The following RELL1 variants were observed in gnomAD, a reference collection of about 807,000 sequenced individuals.
RELL1 encodes RELT-like protein 1.
Under a neutral mutation model 23.0 loss-of-function variants are expected in RELL1, and 10 were observed. The observed-to-expected ratio is 0.43, with a 90% confidence interval of 0.27 to 0.74. RELL1 has a LOEUF of 0.74. Ranked by LOEUF, RELL1 falls within the 30% of genes least tolerant of loss-of-function variation. The pLI is 0.19. For missense variants in RELL1, 315 were observed against 364.4 expected (o/e 0.86, Z 1.10); for synonymous variants, 146 against 146.8 (o/e 0.99, Z 0.04).
In RELL1 at chr4:37,666,752, C is replaced by T. The variant is rs185088170; in HGVS notation, c.89-17252G>A. Reference sequence around the variant, plus strand: ...GCTCAGGTGGTACCACAAGGCCAGGCAGGCACCCACATCCCCACATGCAAG... The same window carrying T: ...GCTCAGGTGGTACCACAAGGCCAGGTAGGCACCCACATCCCCACATGCAAG... On this transcript the variant is annotated intron_variant, in intron 1 of 6. Coordinates refer to ENST00000454158, the MANE Select transcript of RELL1 (RefSeq NM_001085400.2). Among the ~76,000 whole-genome samples the T allele has an allele frequency of 1.2e-4, 18 of 152,314 alleles. No individual in the cohort carries two copies. In the East Asian group the frequency reaches 3.1e-3, roughly 26 times the overall value.
chr4:37,679,811 T>C (rs1722142385), intron 1 of RELL1, among the ~76,000 whole-genome samples: 1 of 151,914 alleles, frequency 6.6e-6, no homozygotes, highest in Non-Finnish European at 1.5e-5. Flanking sequence ...AAAAATTAGC[T>C]GGGCGTGGTG....
rs1261859038 is a variant in RELL1 at position 37,613,322 on chromosome 4, G to A, written c.*24C>T. 1.3e-5 allele frequency: 2 copies of A among 152,158 alleles called. No individual in the cohort carries two copies. The highest frequency in any genetic ancestry group is 4.8e-5 in the African/African-American group (2 of 41,426). 9.4% of individuals were successfully genotyped at this position (152,158 alleles called of 1,614,324 possible). On this transcript the variant is annotated 3_prime_UTR_variant, in exon 7 of 7. Transcript: ENST00000454158. ...TCATATAAGTTTTCAGTCTCTTAGA[G>A]CTCTTCAAGTCAAGTCATTGCTGCA...
exon 7 of RELL1, chr4:37,590,911 G>A: frequency 6.2e-7 from 1 of 1,614,264 alleles, no homozygotes. Flanking sequence ...TGGGGATGGG[G>A]AGATTGTGGA....
chr4:37,594,138 C>T (rs573524820), intron 6 of RELL1, among the ~76,000 whole-genome samples: 2 of 152,308 alleles, frequency 1.3e-5, no homozygotes, highest in African/African-American at 4.8e-5. Flanking sequence ...AAAAGTAATT[C>T]TGGCCCCTTT....
chr4:37,680,430 T>C (rs1553876691), intron 1 of RELL1, among the ~76,000 whole-genome samples: 1 of 152,194 alleles, frequency 6.6e-6, no homozygotes, highest in Non-Finnish European at 1.5e-5. Flanking sequence ...AAAACTCACT[T>C]AAAAATAATG....
chr4:37,596,503 A>G (rs1718850405), intron 6 of RELL1, among the ~76,000 whole-genome samples: 1 of 151,488 alleles, frequency 6.6e-6, no homozygotes, highest in Non-Finnish European at 1.5e-5. Flanking sequence ...CACCCTTAAT[A>G]TAAGCACTTT....
downstream of RELL1, among the ~76,000 whole-genome samples, chr4:37,607,395 T>C (rs567529622): frequency 7.9e-5 from 12 of 152,328 alleles, no homozygotes; most frequent in African/African-American, 2.9e-4. Context: ...CTTCTACAAG[T>C]CCAAAATTAT....
intron 6 of RELL1, among the ~76,000 whole-genome samples, chr4:37,613,615 T>C (rs1051381654): frequency 2.0e-5 from 3 of 152,178 alleles, no homozygotes; most frequent in African/African-American, 7.2e-5. Flanking sequence ...TTGCTCCTGC[T>C]TTTCCCATGT....
intron 1 of RELL1, among the ~76,000 whole-genome samples, chr4:37,671,291 T>C (rs1721826486): frequency 6.6e-6 from 1 of 152,190 alleles, no homozygotes; most frequent in Non-Finnish European, 1.5e-5. Flanking sequence ...TCTTGAATAA[T>C]GGCTGGGTAA....
intron 1 of RELL1, among the ~76,000 whole-genome samples, chr4:37,671,931 T>C (rs966779462): frequency 6.6e-6 from 1 of 152,136 alleles, no homozygotes; most frequent in African/African-American, 2.4e-5. Flanking sequence ...ACAGTTTTAT[T>C]ATGAAGCATA....
Position 37,649,503 on chromosome 4 carries a change from A to G in RELL1, c.89-3T>C. The stretch of plus-strand genomic sequence containing the variant: ...CAATGTGCGGCTGCTCCCATTGTCT[A>G]CAGAAAGAAACATGCATGCTGCATT... On this transcript the variant is annotated splice_region_variant and splice_polypyrimidine_tract_variant and intron_variant, in intron 1 of 6. Transcript: ENST00000454158. 3.7e-6 allele frequency: 6 copies of G among 1,611,210 alleles called. No individual in the cohort carries two copies. The highest frequency in any genetic ancestry group is 5.1e-6 in the Non-Finnish European group (6 of 1,178,012).
intron 1 of RELL1, among the ~76,000 whole-genome samples, chr4:37,662,300 A>G (rs79022002): frequency 0.02 from 3,062 of 152,228 alleles, 50 homozygotes; most frequent in East Asian, 0.056. Context: ...CTTACAATCT[A>G]CTTACTCAAA....
chr4:37,620,729 ATACTGCTAT>A (rs1442204921), intron 6 of RELL1, among the ~76,000 whole-genome samples: 1 of 152,246 alleles, frequency 6.6e-6, no homozygotes, highest in Non-Finnish European at 1.5e-5. Context: ...CAAATGGACA[ATACTGCTAT>A]TACCTTATAG....
rs964897511 is a variant in RELL1 at position 37,612,883 on chromosome 4, T to C, written c.*463A>G. ...CTAACCTGTATGTATCAAGATCTTCTTACAACCAGTGTCAAAATAGGATGC... is the reference window on the plus strand; with the variant it reads ...CTAACCTGTATGTATCAAGATCTTCCTACAACCAGTGTCAAAATAGGATGC... On this transcript the variant is annotated 3_prime_UTR_variant, in exon 7 of 7. Coordinates refer to ENST00000454158, the MANE Select transcript of RELL1 (RefSeq NM_001085400.2). 1 of 152,170 alleles carries C rather than the reference T, an allele frequency of 6.6e-6. No individual in the cohort carries two copies. Among genetic ancestry groups the C allele is most frequent in the African/African-American group, 2.4e-5 (1 of 41,414 alleles). 9.4% of individuals were successfully genotyped at this position (152,170 alleles called of 1,614,324 possible). A position where few individuals can be genotyped will look rare whatever the true frequency, so the allele number is the denominator to read the frequency against.
At chr4:37,668,703 T>G (rs1350616926) in intron 1 of RELL1, among the ~76,000 whole-genome samples, 4 of 149,892 alleles carry the variant, frequency 2.7e-5, no homozygotes, top group African/African-American at 7.5e-5. Flanking sequence ...GGAGCCCCTC[T>G]GCCTGGCTGC....
intron 6 of RELL1, among the ~76,000 whole-genome samples, chr4:37,592,398 A>G (rs1265329276): frequency 6.6e-6 from 1 of 151,812 alleles, no homozygotes; most frequent in Non-Finnish European, 1.5e-5. Context: ...ATTATACTCA[A>G]GGAAGGGACC....
At chr4:37,630,699 T>C (rs1228494259) in intron 6 of RELL1, among the ~76,000 whole-genome samples, 1 of 151,882 alleles carries the variant, frequency 6.6e-6, no homozygotes, top group Non-Finnish European at 1.5e-5. Flanking sequence ...TTTTAAGCAG[T>C]GTCTTGCAAA....
downstream of RELL1, among the ~76,000 whole-genome samples, chr4:37,586,960 T>G (rs1221480826): frequency 6.6e-6 from 1 of 152,076 alleles, no homozygotes; most frequent in East Asian, 1.9e-4. Context: ...TCTCTCCCAG[T>G]TCTAGAGACC....
chr4:37,685,034 G>A (rs972738559), intron 1 of RELL1, among the ~76,000 whole-genome samples: 1 of 152,102 alleles, frequency 6.6e-6, no homozygotes, highest in African/African-American at 2.4e-5. Context: ...GATGGCTAAC[G>A]GAAATACGGG....
Sources: gnomAD v4.1 joint callset for allele counts (sites outside exome capture counted in the v4.1 genomes callset) on GRCh38, gnomAD v4.1.1 for gene constraint, MANE v1.5 for transcripts, NCBI Gene and HGNC (gene_info 2026-07-23, HGNC 2026-07-21) for gene names.